NCALD: variants seen among roughly 807,000 people sequenced by gnomAD.
NCALD encodes the protein neurocalcin-delta.
A neutral mutation model predicts 18.6 loss-of-function variants in NCALD; 10 were observed. The observed-to-expected ratio is 0.54, with a 90% CI of 0.33 to 0.91. NCALD has a LOEUF of 0.91. NCALD is among the 40% of genes least tolerant of loss of function. The pLI is 0.03. For synonymous variants in NCALD, 88 were observed against 87.4 expected (o/e 1.01, Z -0.04); for missense variants, 184 against 247.6 (o/e 0.74, Z 1.72).
At chr8:101,977,826 T>C (rs771993462) in intron 2 of NCALD, among the ~76,000 whole-genome samples, 4 of 152,214 alleles carry the variant, frequency 2.6e-5, no homozygotes, top group Non-Finnish European at 5.9e-5. Context: ...TAGATTTTTA[T>C]CCTAGCTCAG....
chr8:102,052,162 TA>T (rs1467195174), intron 1 of NCALD, among the ~76,000 whole-genome samples: 18 of 152,322 alleles, frequency 1.2e-4, no homozygotes, highest in South Asian at 6.2e-4. Flanking sequence ...CTTAAGATAA[TA>T]TTTTTTTTAA....
At chr8:102,067,809 G>A (rs928633181) in intron 1 of NCALD, among the ~76,000 whole-genome samples, 1 of 152,144 alleles carries the variant, frequency 6.6e-6, no homozygotes, top group Non-Finnish European at 1.5e-5. Context: ...GAACTAAACT[G>A]AATCACATCT....
intron 1 of NCALD, among the ~76,000 whole-genome samples, chr8:102,061,535 G>T (rs1823848691): frequency 6.6e-6 from 1 of 151,948 alleles, no homozygotes; most frequent in African/African-American, 2.4e-5. Flanking sequence ...CCGCTTTAAG[G>T]CCTCCGAGAA....
chr8:102,075,224 A>G lies in NCALD; in HGVS notation c.-210+49013T>C, dbSNP rs2132309594. On this transcript the variant is annotated intron_variant, in intron 1 of 6. Transcript: ENST00000311028. ...GACAACTCACAGCAAGTGCCACACCAAGAAAAGTCTAAACCTCATAGATGT... is the reference window on the plus strand; with the variant it reads ...GACAACTCACAGCAAGTGCCACACCGAGAAAAGTCTAAACCTCATAGATGT... Among the ~76,000 whole-genome samples, 3 of 152,376 alleles carry G rather than the reference A, an allele frequency of 2.0e-5. No homozygotes were observed. In the South Asian group the frequency reaches 6.2e-4, roughly 32 times the overall value.
At chr8:101,741,467 A>G (rs1169993157) in intron 1 of NCALD, among the ~76,000 whole-genome samples, 1 of 152,178 alleles carries the variant, frequency 6.6e-6, no homozygotes, top group African/African-American at 2.4e-5. Flanking sequence ...TACAAATGAC[A>G]TACAGTATAT....
chr8:101,948,484 G>C (rs923796761), intron 2 of NCALD, among the ~76,000 whole-genome samples: 1 of 152,208 alleles, frequency 6.6e-6, no homozygotes, highest in African/African-American at 2.4e-5. Flanking sequence ...AAGACACTTA[G>C]TAAGCAGTTG....
intron 1 of NCALD, among the ~76,000 whole-genome samples, chr8:102,106,507 C>T (rs985017004): frequency 6.8e-6 from 1 of 148,016 alleles, no homozygotes; most frequent in Admixed American, 6.7e-5. Flanking sequence ...TACAGCTGTG[C>T]GTAGCACAGG....
intron 2 of NCALD, among the ~76,000 whole-genome samples, chr8:101,954,301 C>T (rs941137465): frequency 1.2e-4 from 19 of 152,226 alleles, no homozygotes; most frequent in Admixed American, 3.3e-4. Flanking sequence ...GAAAGTTCCT[C>T]GGTGAGTGAC....
At chr8:101,891,954 C>T (rs952792616) in intron 3 of NCALD, among the ~76,000 whole-genome samples, 3 of 152,188 alleles carry the variant, frequency 2.0e-5, no homozygotes, top group East Asian at 1.9e-4. Context: ...CCGCAATTGC[C>T]CAGGCTTGCT....
chr8:101,983,171 C>A (rs148752261), intron 2 of NCALD, among the ~76,000 whole-genome samples: 40 of 152,276 alleles, frequency 2.6e-4, no homozygotes, highest in Non-Finnish European at 5.4e-4. Context: ...GTTCATCTAC[C>A]TTTGGGGTTC....
At position 101,872,507 on chromosome 8, in the gene NCALD, C is replaced by G; in HGVS notation, c.-20+14634G>C. The G allele has an allele frequency of 4.0e-6, 3 of 747,020 alleles. No homozygotes were observed. In the South Asian group the frequency reaches 4.3e-5, roughly 11 times the overall value. The allele number at this position is 747,020 out of a possible 1,614,324, so 46.3% of individuals were successfully genotyped here. A position where few individuals can be genotyped will look rare whatever the true frequency, so the allele number is the denominator to read the frequency against. On this transcript the variant is annotated intron_variant, in intron 4 of 6. Coordinates refer to the NCALD transcript ENST00000311028. ...TTGGTGGGTAAGATGCCCTTCTTGT[C>G]TAAGATGTCATTCCACTCAGTGTCT...
At chr8:101,962,436 G>A (rs1399907953) in intron 2 of NCALD, among the ~76,000 whole-genome samples, 1 of 152,170 alleles carries the variant, frequency 6.6e-6, no homozygotes, top group Non-Finnish European at 1.5e-5. Flanking sequence ...CTGGCTGCTG[G>A]CCTATGCAGC....
At chr8:102,022,511 T>G (rs994981026) in intron 1 of NCALD, among the ~76,000 whole-genome samples, 2 of 152,194 alleles carry the variant, frequency 1.3e-5, no homozygotes, top group African/African-American at 4.8e-5. Context: ...CTAATTGAGC[T>G]CTTAAAATGT....
chr8:101,692,964 A>T, intron 2 of NCALD, 68 bp from the exon 3 acceptor site: 2 of 1,155,456 alleles, frequency 1.7e-6, no homozygotes, highest in Non-Finnish European at 1.3e-6. Context: ...CTATCATTAA[A>T]CCTCCCAAAT....
rs116414054 is a variant in NCALD, at chr8:102,015,667, G to A, written c.-157+4570C>T. ...GTATTGAACTCATTAGAGAGCTAAG[G>A]ACACAAGGCAACGAAGTGAACTGAG... On this transcript the variant is annotated intron_variant, in intron 2 of 6. Coordinates refer to the NCALD transcript ENST00000311028. Among the ~76,000 whole-genome samples the A allele has an allele frequency of 6.6e-3, 1,000 of 152,214 alleles. 10 individuals are homozygous for A. The highest frequency in any genetic ancestry group is 0.019 in the African/African-American group (796 of 41,542).
At chr8:101,851,322 C>T (rs1815082169) in intron 4 of NCALD, among the ~76,000 whole-genome samples, 1 of 151,864 alleles carries the variant, frequency 6.6e-6, no homozygotes, top group Non-Finnish European at 1.5e-5. Context: ...ATTCATTGTT[C>T]ATACAATATT....
intron 3 of NCALD, among the ~76,000 whole-genome samples, chr8:101,904,843 C>A (rs1817557390): frequency 6.6e-6 from 1 of 152,138 alleles, no homozygotes. Context: ...ACCCACTCTG[C>A]CCTTTGATTC....
intron 4 of NCALD, among the ~76,000 whole-genome samples, chr8:101,800,891 G>A (rs1812816838): frequency 1.4e-5 from 1 of 73,904 alleles, no homozygotes; most frequent in African/African-American, 6.3e-5. Flanking sequence ...GAGGGGAGGG[G>A]AGAGGGGAGG....
intron 1 of NCALD, among the ~76,000 whole-genome samples, chr8:102,079,190 AG>A (rs1438390854): frequency 1.3e-5 from 2 of 152,148 alleles, no homozygotes; most frequent in African/African-American, 4.8e-5. Flanking sequence ...CCTTTATCTC[AG>A]CTAGCTTCAG....
Sources: allele counts gnomAD v4.1 joint callset (sites outside exome capture counted in the v4.1 genomes callset), GRCh38; gene constraint gnomAD v4.1.1; transcripts MANE v1.5; gene names NCBI Gene and HGNC (gene_info 2026-07-23, HGNC 2026-07-21).